The following FNIP2 variants were observed in gnomAD, a reference collection of about 807,000 sequenced individuals.
FNIP2 encodes the protein folliculin interacting protein 2.
FNIP2 carries 32 observed loss-of-function variants against 108.7 expected under a neutral mutation model. The observed-to-expected ratio is 0.29, with a 90% CI of 0.22 to 0.40. The LOEUF (loss-of-function observed/expected upper bound fraction) is 0.40, where lower values mean the gene tolerates loss of function less well. Among genes scored for constraint, FNIP2 ranks in the 10% least tolerant of loss-of-function variants. The pLI is 1.00. For synonymous variants in FNIP2, 480 were observed against 496.7 expected, an observed-to-expected ratio of 0.97 and a Z score of 0.45; for missense variants, 1,202 against 1,381.6, an observed-to-expected ratio of 0.87 and a Z score of 2.06.
chr4:158,769,089 G>C lies in FNIP2; in HGVS notation c.-124G>C. On this transcript the variant is annotated 5_prime_UTR_variant, in exon 1 of 17. Coordinates refer to ENST00000264433, the MANE Select transcript of FNIP2 (RefSeq NM_020840.3). ...AGAGTTACTCAGTCGCAGCGGCCCC[G>C]CGCTCCCGCAAGGCTGGGCGGCCGC... 3 of 209,660 alleles carry C rather than the reference G, an allele frequency of 1.4e-5. No homozygotes were observed. The highest frequency in any genetic ancestry group is 2.4e-5 in the Non-Finnish European group (3 of 123,490). 13.0% of individuals were successfully genotyped at this position (209,660 alleles called of 1,614,324 possible).
chr4:158,849,887 C>T (rs1578910941), intron 7 of FNIP2, among the ~76,000 whole-genome samples: 1 of 151,662 alleles, frequency 6.6e-6, no homozygotes, highest in South Asian at 2.1e-4. Context: ...ACAATGGATG[C>T]AAAGATGATT....
At chr4:158,862,443 G>T (rs759037591) in intron 12 of FNIP2, among the ~76,000 whole-genome samples, 5 of 152,156 alleles carry the variant, frequency 3.3e-5, no homozygotes, top group Non-Finnish European at 7.3e-5. Flanking sequence ...TCATGGTTAG[G>T]GGGTAAAAGG....
At chr4:158,789,250 T>G (rs972717776) in intron 1 of FNIP2, among the ~76,000 whole-genome samples, 2 of 152,190 alleles carry the variant, frequency 1.3e-5, no homozygotes, top group Non-Finnish European at 2.9e-5. Context: ...CCAAGCTACT[T>G]TCACAGCTGA....
intron 15 of FNIP2, among the ~76,000 whole-genome samples, chr4:158,894,927 A>C (rs1299650518): frequency 6.6e-6 from 1 of 152,202 alleles, no homozygotes. Context: ...TGCATCTGTT[A>C]ATCTTTTTAC....
At chr4:158,790,178 A>G (rs1776365103) in intron 1 of FNIP2, among the ~76,000 whole-genome samples, 1 of 151,686 alleles carries the variant, frequency 6.6e-6, no homozygotes, top group African/African-American at 2.4e-5. Flanking sequence ...AAGATATCTC[A>G]TAATGTGTAT....
intron 7 of FNIP2, among the ~76,000 whole-genome samples, chr4:158,840,762 C>T (rs1257356906): frequency 6.6e-6 from 1 of 152,148 alleles, no homozygotes; most frequent in Non-Finnish European, 1.5e-5. Context: ...GGATTGAGAC[C>T]AGTGTCATCA....
At chr4:158,813,589 A>T (rs1777402138) in intron 1 of FNIP2, among the ~76,000 whole-genome samples, 1 of 152,132 alleles carries the variant, frequency 6.6e-6, no homozygotes, top group South Asian at 2.1e-4. Context: ...TCTTTATCAG[A>T]TATATTTTTT....
intron 1 of FNIP2, among the ~76,000 whole-genome samples, chr4:158,811,148 TC>T (rs1459574202): frequency 6.6e-6 from 1 of 152,218 alleles, no homozygotes; most frequent in Non-Finnish European, 1.5e-5. Flanking sequence ...AATATTCTTA[TC>T]TTTTATGAGT....
chr4:158,875,515 G>GATACAT (rs1553964264), intron 14 of FNIP2, among the ~76,000 whole-genome samples: 1 of 111,982 alleles, frequency 8.9e-6, no homozygotes, highest in Non-Finnish European at 1.7e-5. Flanking sequence ...GCCTGGCTGT[G>GATACAT]ATATATATAT....
intron 14 of FNIP2, among the ~76,000 whole-genome samples, chr4:158,876,977 C>G (rs1781318878): frequency 6.6e-6 from 1 of 152,174 alleles, no homozygotes; most frequent in South Asian, 2.1e-4. Flanking sequence ...AGACACATGT[C>G]TAATTTTGAT....
In FNIP2 at chr4:158,907,616, G is replaced by A. The variant is rs978057404; in HGVS notation, c.*3072G>A. The A allele has an allele frequency of 2.0e-5, 3 of 152,026 alleles. No individual in the cohort carries two copies. The highest frequency in any genetic ancestry group is 4.4e-5 in the Non-Finnish European group (3 of 68,010). 9.4% of individuals were successfully genotyped at this position (152,026 alleles called of 1,614,324 possible). On this transcript the variant is annotated 3_prime_UTR_variant, in exon 17 of 17. Coordinates refer to ENST00000264433, the MANE Select transcript of FNIP2 (RefSeq NM_020840.3). ...ATTCTTTTAAAGTCTGGATTTTTCC[G>A]CTAATATGTACTTTAGAGAATATTT...
chr4:158,870,346 C>T lies in FNIP2; in HGVS notation c.2826C>T (p.Asn942=), dbSNP rs1275937682. ...SQSISTQNVR[N]FGRSLLAGYC... ...GCATCAGCACCCAGAATGTAAGGAA[C>T]TTTGGCCGCTCACTTCTGGCGGGCT... Residue 942 remains asparagine, a synonymous_variant, in exon 14 of 17, where the codon AAC becomes AAT. Coordinates refer to ENST00000264433, the MANE Select transcript of FNIP2 (RefSeq NM_020840.3). The T allele has an allele frequency of 6.2e-7, 1 of 1,614,012 alleles. No homozygotes were observed. Among genetic ancestry groups the T allele is most frequent in the Non-Finnish European group, 8.5e-7 (1 of 1,179,860 alleles).
chr4:158,792,945 G>A (rs1776469018), intron 1 of FNIP2, among the ~76,000 whole-genome samples: 1 of 152,162 alleles, frequency 6.6e-6, no homozygotes, highest in Admixed American at 6.5e-5. Flanking sequence ...AGTCAGGATG[G>A]GTTTGATAAA....
chr4:158,883,806 T>A (rs1781860976), intron 14 of FNIP2, among the ~76,000 whole-genome samples: 2 of 152,200 alleles, frequency 1.3e-5, no homozygotes. Context: ...CAGACCATCA[T>A]TCACACTTCT....
At chr4:158,800,098 C>T (rs909908949) in intron 1 of FNIP2, among the ~76,000 whole-genome samples, 3 of 152,110 alleles carry the variant, frequency 2.0e-5, no homozygotes, top group East Asian at 1.9e-4. Flanking sequence ...TCTTCTGGGC[C>T]GCTGTTTCGT....
rs912830359 is a variant in FNIP2, at chr4:158,907,276, A to C, written c.*2732A>C. The C allele has an allele frequency of 5.9e-5, 9 of 152,362 alleles. No individual in the cohort carries two copies. The highest frequency in any genetic ancestry group is 3.4e-3 in the Middle Eastern group (1 of 294). The allele number at this position is 152,362 out of a possible 1,614,324, so 9.4% of individuals were successfully genotyped here. A position where few individuals can be genotyped will look rare whatever the true frequency, so the allele number is the denominator to read the frequency against. On this transcript the variant is annotated 3_prime_UTR_variant, in exon 17 of 17. Transcript: ENST00000264433. ...CAAAGTATTTTATTTTTTATCAATC[A>C]GTGTTAAATAGCTTTTTGTACAGGC...
intron 8 of FNIP2, 56 bp downstream of exon 8, chr4:158,851,506 A>G: frequency 6.3e-7 from 1 of 1,597,774 alleles, no homozygotes; most frequent in South Asian, 1.1e-5. Flanking sequence ...AGCTTGATGA[A>G]ACTGGCAGGG....
intron 2 of FNIP2, 111 bp downstream of exon 2, chr4:158,826,153 T>C: frequency 7.2e-7 from 1 of 1,386,936 alleles, no homozygotes; most frequent in Non-Finnish European, 9.7e-7. Context: ...TACAGTGCCA[T>C]TAATGGTTCA....
At chr4:158,786,109 C>T (rs1282017306) in intron 1 of FNIP2, among the ~76,000 whole-genome samples, 1 of 152,164 alleles carries the variant, frequency 6.6e-6, no homozygotes, top group East Asian at 1.9e-4. Flanking sequence ...TGGGACTTAC[C>T]TGGTGAAAAA....
Sources: allele counts gnomAD v4.1 joint callset (sites outside exome capture counted in the v4.1 genomes callset), GRCh38; gene constraint gnomAD v4.1.1; transcripts MANE v1.5; gene names NCBI Gene and HGNC (gene_info 2026-07-23, HGNC 2026-07-21).